The following MATN3 variants were observed in gnomAD, a reference collection of about 807,000 sequenced individuals.
MATN3 encodes the protein matrilin-3.
MATN3 carries 48 observed loss-of-function variants against 45.3 expected under a neutral mutation model. That is an observed-to-expected ratio of 1.06 (90% confidence interval 0.84 to 1.35). MATN3 has a LOEUF of 1.35. Ranked by LOEUF, MATN3 falls within the 40% of genes most tolerant of loss-of-function variation. The pLI is 0.00. For synonymous variants in MATN3, 217 were observed against 245.9 expected (o/e 0.88, Z 1.10); for missense variants, 599 against 628.0 (o/e 0.95, Z 0.49).
rs1673229359 is a variant in MATN3, at chr2:20,012,130, G to A, written c.223+279C>T. ...GACGGAGCTTAGCAGCAGCCGCTGG[G>A]CAGCAGCCCCTGCGCTCCCCAGCTG... On this transcript the variant is annotated intron_variant, in intron 1 of 7. Coordinates refer to ENST00000407540, the MANE Select transcript of MATN3 (RefSeq NM_002381.5). The surrounding 1 kb of genome is among the most constrained non-coding windows in gnomAD (Gnocchi z 4.3). Among the ~76,000 whole-genome samples, 1 of 152,160 alleles carries A rather than the reference G, an allele frequency of 6.6e-6. No homozygotes were observed. The highest frequency in any genetic ancestry group is 1.5e-5 in the Non-Finnish European group (1 of 68,008).
chr2:20,005,626 G>A, intron 2 of MATN3, 118 bp downstream of exon 2: 2 of 830,988 alleles, frequency 2.4e-6, no homozygotes, highest in Non-Finnish European at 3.7e-6. Flanking sequence ...ACACGCATTG[G>A]ATATATTTAA....
In MATN3 at chr2:19,997,132, A is replaced by C; in HGVS notation, c.1294+2T>G. Reference sequence around the variant, plus strand: ...AAATAGCCTTAAAGGGCTGATCCTCACCTGAACATGTTTTCTTGTCCTCAT... The same window carrying C: ...AAATAGCCTTAAAGGGCTGATCCTCCCCTGAACATGTTTTCTTGTCCTCAT... On this transcript the variant is annotated splice_donor_variant, in intron 6 of 7. Coordinates refer to ENST00000407540, the MANE Select transcript of MATN3 (RefSeq NM_002381.5). LOFTEE classifies it high-confidence loss of function. 6.2e-7 allele frequency: 1 copy of C among 1,613,540 alleles called. No individual in the cohort carries two copies. Among genetic ancestry groups the C allele is most frequent in the Non-Finnish European group, 8.5e-7 (1 of 1,179,672 alleles).
At chr2:20,000,186 A>G (rs76368270) in intron 5 of MATN3, among the ~76,000 whole-genome samples, 2,040 of 152,290 alleles carry the variant, frequency 0.013, 48 homozygotes, top group African/African-American at 0.047. Context: ...ATTTTCCTGG[A>G]TAAGGACCCT....
Position 20,003,215 on chromosome 2 carries a change from G to A in MATN3, c.862C>T (p.His288Tyr), listed in dbSNP as rs376404727. The change falls in exon 3 of 8, where the codon CAC (histidine) becomes TAC (tyrosine). Residue 288 changes from histidine (H) to tyrosine (Y), a missense_variant. Transcript: ENST00000407540. ...VCISDGEGKHHCECSQGYTLN... is the reference protein window; with the variant it reads ...VCISDGEGKHYCECSQGYTLN... ...GTGTATCCTTGGCTACACTCACAGT[G>A]GTGCTTGCCTTCCCCATCACTGATG... is the stretch of plus-strand genomic sequence containing the variant. 8.1e-6 allele frequency: 13 copies of A among 1,613,976 alleles called. No homozygotes were observed. The highest frequency in any genetic ancestry group is 1.0e-5 in the Non-Finnish European group (12 of 1,179,888).
At chr2:20,007,908 A>G (rs1430787044) in intron 1 of MATN3, among the ~76,000 whole-genome samples, 1 of 152,156 alleles carries the variant, frequency 6.6e-6, no homozygotes, top group African/African-American at 2.4e-5. Flanking sequence ...TCTCCTCGAT[A>G]CAAAAATCAA....
chr2:19,999,052 A>G (rs549576466), intron 5 of MATN3, among the ~76,000 whole-genome samples: 1 of 152,286 alleles, frequency 6.6e-6, no homozygotes, highest in East Asian at 1.9e-4. Context: ...TACAGTAGGT[A>G]TTGAAGAATA....
At chr2:19,998,828 T>C (rs1672929922) in intron 5 of MATN3, among the ~76,000 whole-genome samples, 1 of 152,156 alleles carries the variant, frequency 6.6e-6, no homozygotes, top group African/African-American at 2.4e-5. Flanking sequence ...CTTCTGTCCC[T>C]CTTCACTGTC....
At chr2:20,011,516 C>T (rs1270524358) in intron 1 of MATN3, among the ~76,000 whole-genome samples, 1 of 152,252 alleles carries the variant, frequency 6.6e-6, no homozygotes, top group Admixed American at 6.5e-5. Context: ...CAATTGAAAT[C>T]AGCCTGAGGC....
intron 5 of MATN3, 76 bp from the exon 6 acceptor site, chr2:19,997,335 A>C (rs1311669983): frequency 5.5e-6 from 8 of 1,458,262 alleles, no homozygotes. Flanking sequence ...TGAGAGGAGA[A>C]GCTTCCATTT....
chr2:20,007,990 T>A (rs1673145379), intron 1 of MATN3, among the ~76,000 whole-genome samples: 1 of 151,848 alleles, frequency 6.6e-6, no homozygotes, highest in Non-Finnish European at 1.5e-5. Context: ...TGAGACGGAG[T>A]CTCATTCTGT....
chr2:20,004,777 A>ATT (rs1408987099), intron 2 of MATN3, among the ~76,000 whole-genome samples: 6 of 152,218 alleles, frequency 3.9e-5, no homozygotes, highest in Non-Finnish European at 8.8e-5. Context: ...AGATCAATAA[A>ATT]TGCATGCTGA....
intron 6 of MATN3, 82 bp downstream of exon 6, chr2:19,997,052 T>C (rs981492532): frequency 6.9e-7 from 1 of 1,447,836 alleles, no homozygotes; most frequent in South Asian, 1.2e-5. Context: ...GAATCACAAC[T>C]GTGTCTTAGA....
At chr2:20,000,748 CA>C (rs1672970001) in intron 4 of MATN3, among the ~76,000 whole-genome samples, 182 bp from the exon 5 acceptor site, 2 of 152,148 alleles carry the variant, frequency 1.3e-5, no homozygotes, top group Admixed American at 6.5e-5. Flanking sequence ...CCTGCACATA[CA>C]ATAATTATTC....
At chr2:19,997,032 C>G in intron 6 of MATN3, 102 bp downstream of exon 6, 1 of 1,286,756 alleles carries the variant, frequency 7.8e-7, no homozygotes, top group Non-Finnish European at 1.1e-6. Context: ...AGAATTCTGA[C>G]AGGGAGAAAG....
chr2:20,005,588 A>G (rs1189635133), intron 2 of MATN3, among the ~76,000 whole-genome samples, 156 bp downstream of exon 2: 1 of 152,194 alleles, frequency 6.6e-6, no homozygotes, highest in Non-Finnish European at 1.5e-5. Context: ...GGTCGCACAC[A>G]CGCGCGCATG....
At chr2:20,009,794 T>C (rs1051522659) in intron 1 of MATN3, among the ~76,000 whole-genome samples, 1 of 152,124 alleles carries the variant, frequency 6.6e-6, no homozygotes, top group African/African-American at 2.4e-5. Flanking sequence ...CCCAGGTCTT[T>C]AGGCAAATGC....
Position 19,993,138 on chromosome 2 carries a change from T to C in MATN3, c.1434A>G (p.Ile478Met), listed in dbSNP as rs1206929207. 3 of 1,612,804 alleles carry C rather than the reference T, an allele frequency of 1.9e-6. No homozygotes were observed. Among genetic ancestry groups the C allele is most frequent in the East Asian group, 2.2e-5 (1 of 44,802 alleles). The change falls in exon 8 of 8, where the codon ATA becomes ATG. Residue 478 changes from isoleucine (I) to methionine (M), a missense_variant. Transcript: ENST00000407540. ...KLDDILEKLK[I>M]NEYGQIHR ...AACGATGTATTTGTCCATATTCATT[T>C]ATTTTCAACTTCTCCAAAATGTCAT...
intron 1 of MATN3, among the ~76,000 whole-genome samples, chr2:20,007,088 T>G (rs112885484): frequency 0.011 from 1,738 of 152,202 alleles, 44 homozygotes; most frequent in African/African-American, 0.038. Context: ...GGTGCCTGTA[T>G]TCCCAGCTAC....
chr2:20,005,191 A>C (rs1003448557), intron 2 of MATN3, among the ~76,000 whole-genome samples: 1 of 152,190 alleles, frequency 6.6e-6, no homozygotes, highest in African/African-American at 2.4e-5. Flanking sequence ...GAGTAATCAG[A>C]TAAACAGCCC....
Sources: allele counts gnomAD v4.1 joint callset (sites outside exome capture counted in the v4.1 genomes callset), GRCh38; gene constraint gnomAD v4.1.1; non-coding constraint Gnocchi (gnomAD v3.1); transcripts MANE v1.5; gene names NCBI Gene and HGNC (gene_info 2026-07-23, HGNC 2026-07-21).